MEI4: variants seen among roughly 807,000 people sequenced by gnomAD.
MEI4 encodes the protein meiosis-specific protein MEI4.
A neutral mutation model predicts 31.4 loss-of-function variants in MEI4; 27 were observed. The observed-to-expected ratio is 0.86, with a 90% confidence interval of 0.63 to 1.19. The LOEUF is 1.19. Ranked by LOEUF, MEI4 falls within the 50% of genes most tolerant of loss-of-function variation. The probability of loss-of-function intolerance (pLI) is 0.00; values close to 1 mark genes in which losing one functional copy is unlikely to be tolerated. For missense variants in MEI4, 329 were observed against 398.9 expected (o/e 0.82, Z 1.49); for synonymous variants, 122 against 145.4 (o/e 0.84, Z 1.16).
rs1196675736 is a variant in MEI4 at position 77,742,075 on chromosome 6, A to C, written c.233-19055A>C. ...TGCTATTGTGAATAGTGCCACAATA[A>C]ACATACGTGTGCATGTGTCTTTATA... On this transcript the variant is annotated intron_variant, in intron 2 of 4. Coordinates refer to ENST00000684080, the MANE Select transcript of MEI4 (RefSeq NM_001322247.2). Among the ~76,000 whole-genome samples, 3 of 152,178 alleles carry C rather than the reference A, an allele frequency of 2.0e-5. 1 individual carries two copies. The highest frequency in any genetic ancestry group is 7.2e-5 in the African/African-American group (3 of 41,516).
chr6:77,802,573 C>G (rs1769297375), intron 3 of MEI4, among the ~76,000 whole-genome samples: 1 of 152,186 alleles, frequency 6.6e-6, no homozygotes, highest in African/African-American at 2.4e-5. Context: ...CCTCAATGGT[C>G]TTTATAACTT....
At chr6:77,794,594 G>C (rs991716254) in intron 3 of MEI4, among the ~76,000 whole-genome samples, 5 of 151,864 alleles carry the variant, frequency 3.3e-5, no homozygotes, top group Non-Finnish European at 7.4e-5. Flanking sequence ...ATCAAAGCAC[G>C]TAAATATATT....
At chr6:77,891,584 T>C (rs976065713) in intron 4 of MEI4, among the ~76,000 whole-genome samples, 1 of 152,160 alleles carries the variant, frequency 6.6e-6, no homozygotes. Flanking sequence ...TTCTTCAATA[T>C]TATTATTTTG....
intron 2 of MEI4, among the ~76,000 whole-genome samples, chr6:77,701,032 G>A (rs1451719827): frequency 6.6e-6 from 1 of 152,212 alleles, no homozygotes; most frequent in Non-Finnish European, 1.5e-5. Context: ...TTTTTGTGAT[G>A]TGTGGCAGGT....
At chr6:77,778,910 G>A (rs1310665482) in intron 3 of MEI4, among the ~76,000 whole-genome samples, 9 of 152,008 alleles carry the variant, frequency 5.9e-5, no homozygotes, top group Non-Finnish European at 1.3e-4. Context: ...AAAGAGAGGG[G>A]AGCCCAAGTT....
chr6:77,692,866 T>C (rs1368934464), intron 2 of MEI4, among the ~76,000 whole-genome samples: 1 of 152,024 alleles, frequency 6.6e-6, no homozygotes, highest in African/African-American at 2.4e-5. Flanking sequence ...TCAGAGAGGA[T>C]GAGCATGCTA....
At chr6:77,794,477 G>C (rs1769026285) in intron 3 of MEI4, among the ~76,000 whole-genome samples, 2 of 152,092 alleles carry the variant, frequency 1.3e-5, no homozygotes, top group South Asian at 4.1e-4. Context: ...GCAGGAGAAT[G>C]GCATGAACTC....
intron 4 of MEI4, among the ~76,000 whole-genome samples, chr6:77,848,566 C>T (rs919290791): frequency 6.6e-6 from 1 of 152,086 alleles, no homozygotes; most frequent in African/African-American, 2.4e-5. Context: ...ATTAGAGTCC[C>T]TGTTGAGGGC....
chr6:77,702,265 C>T (rs771621571), intron 2 of MEI4, among the ~76,000 whole-genome samples: 2 of 152,150 alleles, frequency 1.3e-5, no homozygotes, highest in Non-Finnish European at 1.5e-5. Context: ...ACTGACTTAC[C>T]GACACAACTG....
chr6:77,856,797 C>T (rs886395650), intron 4 of MEI4, among the ~76,000 whole-genome samples: 3 of 152,162 alleles, frequency 2.0e-5, no homozygotes, highest in African/African-American at 7.2e-5. Context: ...CTCATCTTAT[C>T]CACCTACCTA....
intron 3 of MEI4, among the ~76,000 whole-genome samples, chr6:77,802,523 C>G (rs1769295022): frequency 6.6e-6 from 1 of 152,134 alleles, no homozygotes; most frequent in Non-Finnish European, 1.5e-5. Context: ...ATGATGCTAG[C>G]TGGTTATTTT....
rs1414176536 is a variant in MEI4, at chr6:77,713,316, TG to T, written c.232+22414del. On this transcript the variant is annotated intron_variant, in intron 2 of 4. Coordinates refer to ENST00000684080, the MANE Select transcript of MEI4 (RefSeq NM_001322247.2). ...TACTAGCTTTCTTCTCCCTTGGCCT[TG>T]ATAATCTGATGGTAAGTTCATTAAT... Among the ~76,000 whole-genome samples, 21 of 152,328 alleles carry T rather than the reference TG, an allele frequency of 1.4e-4. No individual in the cohort carries two copies. In the East Asian group the frequency reaches 3.9e-3, roughly 28 times the overall value.
chr6:77,689,164 C>G (rs1769113112), intron 1 of MEI4, among the ~76,000 whole-genome samples: 1 of 151,932 alleles, frequency 6.6e-6, no homozygotes, highest in African/African-American at 2.4e-5. Context: ...GTTATACTTT[C>G]TATTTACTTT....
At chr6:77,657,619 C>A (rs531869829) in intron 1 of MEI4, among the ~76,000 whole-genome samples, 7 of 151,882 alleles carry the variant, frequency 4.6e-5, no homozygotes, top group African/African-American at 1.7e-4. Flanking sequence ...TTTACTCATC[C>A]ACTCTGAAGG....
intron 2 of MEI4, among the ~76,000 whole-genome samples, chr6:77,737,803 C>T (rs1235408453): frequency 3.3e-5 from 5 of 152,130 alleles, no homozygotes; most frequent in Non-Finnish European, 5.9e-5. Flanking sequence ...AGGAAGAAGT[C>T]AAGGTTGACT....
Position 77,873,448 on chromosome 6 carries a change from G to T in MEI4, c.900+44386G>T, listed in dbSNP as rs544433976. ...TGTCCTTTGCCCACTTTTTGATGGG[G>T]TTGTTTGTTTTTTTCTTGTAAATTC... On this transcript the variant is annotated intron_variant, in intron 4 of 4. Coordinates refer to ENST00000684080, the MANE Select transcript of MEI4 (RefSeq NM_001322247.2). 6.8e-3 allele frequency among the ~76,000 whole-genome samples: 1,038 copies of T among 152,192 alleles called. 12 individuals carry two copies. Among genetic ancestry groups the T allele is most frequent in the African/African-American group, 0.024 (979 of 41,514 alleles).
intron 2 of MEI4, among the ~76,000 whole-genome samples, chr6:77,736,200 A>T (rs775406404): frequency 4.6e-5 from 7 of 152,146 alleles, no homozygotes; most frequent in Middle Eastern, 3.4e-3. Flanking sequence ...TACCCTAAGC[A>T]AGCCTGGGCA....
chr6:77,744,676 C>G (rs1361767562), intron 2 of MEI4, among the ~76,000 whole-genome samples: 3 of 152,088 alleles, frequency 2.0e-5, no homozygotes, highest in African/African-American at 7.2e-5. Flanking sequence ...GTCAGATTCA[C>G]CAAAGTTGAA....
At chr6:77,827,395 A>G (rs1021581629) in intron 3 of MEI4, among the ~76,000 whole-genome samples, 3 of 149,956 alleles carry the variant, frequency 2.0e-5, no homozygotes, top group Non-Finnish European at 4.4e-5. Context: ...AAGAACCTAC[A>G]TAATTAGGTA....
Sources: allele counts gnomAD v4.1 joint callset (sites outside exome capture counted in the v4.1 genomes callset), GRCh38; gene constraint gnomAD v4.1.1; transcripts MANE v1.5; gene names NCBI Gene and HGNC (gene_info 2026-07-23, HGNC 2026-07-21).